The following CAPRIN1 variants were observed in gnomAD, a reference collection of about 807,000 sequenced individuals.
CAPRIN1 encodes caprin-1.
Under a neutral mutation model 100.9 loss-of-function variants are expected in CAPRIN1, and 29 were observed. The ratio of observed to expected loss-of-function variants is 0.29; its 90% CI spans 0.21 to 0.39. The LOEUF is 0.39. Among genes scored for constraint, CAPRIN1 ranks in the 10% least tolerant of loss-of-function variants. The pLI, the probability that CAPRIN1 is intolerant of heterozygous loss-of-function variation, is 1.00. For missense variants in CAPRIN1, 795 were observed against 876.7 expected, an observed-to-expected ratio of 0.91 and a Z score of 1.18; for synonymous variants, 338 against 307.5, an observed-to-expected ratio of 1.10 and a Z score of -1.04.
At chr11:34,058,009 C>T (rs561630219) in intron 2 of CAPRIN1, among the ~76,000 whole-genome samples, 1 of 152,212 alleles carries the variant, frequency 6.6e-6, no homozygotes, top group African/African-American at 2.4e-5. Flanking sequence ...CATGAGCCAC[C>T]ATGTCCGGCC....
chr11:34,092,023 C>G lies in CAPRIN1; in HGVS notation c.1672C>G (p.Gln558Glu). The G allele has an allele frequency of 6.2e-7, 1 of 1,614,056 alleles. No individual in the cohort carries two copies. Among genetic ancestry groups the G allele is most frequent in the Non-Finnish European group, 8.5e-7 (1 of 1,179,964 alleles). Residue 558 changes from glutamine to glutamate, a missense_variant, in exon 15 of 19, where the codon CAA becomes GAA. Transcript: ENST00000341394. ...SFSSQPHQVE[Q>E]TELQQEQLQT... ...TTCTAGTCAGCCTCACCAAGTAGAA[C>G]AAACAGAGCTTCAGCAAGAACAGCT...
At chr11:34,059,778 ATTTACTTGCAGTGT>A (rs950155057) in intron 2 of CAPRIN1, among the ~76,000 whole-genome samples, 2 of 149,948 alleles carry the variant, frequency 1.3e-5, no homozygotes, top group African/African-American at 2.5e-5. Context: ...GCACAGAACT[ATTTACTTGCAGTGT>A]TTTTTTATTG....
In CAPRIN1 at chr11:34,052,518, G is replaced by T. The variant is rs759305198; in HGVS notation, c.98G>T (p.Gly33Val). 1.9e-6 allele frequency: 3 copies of T among 1,604,432 alleles called. No homozygotes were observed. Among genetic ancestry groups the T allele is most frequent in the Middle Eastern group, 1.9e-4 (1 of 5,134 alleles). ...SSGSEAAAGA[G>V]AAAPASQHPA... is the part of the protein sequence containing the mutation. ...GGGAGTGAGGCGGCCGCGGGAGCCGGGGCCGCCGCGCCGGCTTCTCAGCAC... is the reference window on the plus strand; with the variant it reads ...GGGAGTGAGGCGGCCGCGGGAGCCGTGGCCGCCGCGCCGGCTTCTCAGCAC... Residue 33 changes from glycine to valine, a missense_variant, in exon 2 of 19, where the codon GGG becomes GTG. Around this residue, in one of 3 missense-constraint regions of CAPRIN1, gnomAD observed 109 missense variants for 86.6 expected, o/e 1.26. Coordinates refer to ENST00000341394, the MANE Select transcript of CAPRIN1 (RefSeq NM_005898.5).
chr11:34,095,559 A>G (rs1040677109), intron 15 of CAPRIN1, among the ~76,000 whole-genome samples: 6 of 152,228 alleles, frequency 3.9e-5, no homozygotes, highest in Non-Finnish European at 7.3e-5. Flanking sequence ...AAGATTTTCA[A>G]GAGTCATACA....
At chr11:34,069,496 T>G (rs927309592) in intron 2 of CAPRIN1, among the ~76,000 whole-genome samples, 3 of 152,122 alleles carry the variant, frequency 2.0e-5, no homozygotes, top group Non-Finnish European at 2.9e-5. Flanking sequence ...AAATAGAATT[T>G]TTTATTTTAA....
At chr11:34,080,492 A>C (rs1296688534) in intron 7 of CAPRIN1, among the ~76,000 whole-genome samples, 2 of 152,192 alleles carry the variant, frequency 1.3e-5, no homozygotes, top group African/African-American at 4.8e-5. Flanking sequence ...TGTTTTAATC[A>C]TGGGGAGATT....
chr11:34,071,575 A>G, intron 2 of CAPRIN1, 151 bp from the exon 3 acceptor site: 3 of 576,256 alleles, frequency 5.2e-6, no homozygotes, highest in South Asian at 4.9e-5. Flanking sequence ...AAAAAAAAAA[A>G]TTTATGTACT....
intron 11 of CAPRIN1, among the ~76,000 whole-genome samples, chr11:34,087,629 G>A (rs567406639): frequency 3.3e-5 from 4 of 122,658 alleles, no homozygotes; most frequent in Non-Finnish European, 7.1e-5. Context: ...CACCGCGCCC[G>A]GCTCTCACAT....
At chr11:34,081,528 C>T (rs755087110) in intron 7 of CAPRIN1, among the ~76,000 whole-genome samples, 2 of 148,888 alleles carry the variant, frequency 1.3e-5, no homozygotes, top group Non-Finnish European at 3.0e-5. Flanking sequence ...GAGTCTAGTT[C>T]TGTCGCCCAC....
At chr11:34,099,017 T>C (rs1291102211) in intron 18 of CAPRIN1, 6 of 1,288,768 alleles carry the variant, frequency 4.7e-6, no homozygotes, top group Admixed American at 3.4e-5. Context: ...TGATGGTGCC[T>C]GGCACATAGT....
At chr11:34,079,413 C>T (rs916281885) in intron 6 of CAPRIN1, among the ~76,000 whole-genome samples, 16 of 152,040 alleles carry the variant, frequency 1.1e-4, no homozygotes, top group Admixed American at 5.2e-4. Flanking sequence ...AACAAACAAA[C>T]AAAAACCCCG....
chr11:34,088,537 G>T (rs1590742841), intron 11 of CAPRIN1, among the ~76,000 whole-genome samples: 1 of 151,966 alleles, frequency 6.6e-6, no homozygotes, highest in South Asian at 2.1e-4. Context: ...AGCTTGGCAG[G>T]GTGGCATGCA....
chr11:34,071,752 A>G lies in CAPRIN1; in HGVS notation c.243A>G (p.Arg81=). ...KKGKLDDYQE[R]MNKGERLNQD... is the part of the protein sequence containing the mutation. Reference sequence around the variant, plus strand: ...GTAAGCTTGATGATTACCAGGAACGAATGAACAAAGGGGAAAGGCTTAATC... The same window carrying G: ...GTAAGCTTGATGATTACCAGGAACGGATGAACAAAGGGGAAAGGCTTAATC... The change falls in exon 3 of 19, where the codon CGA becomes CGG. Residue 81 remains arginine, a synonymous_variant. Coordinates refer to ENST00000341394, the MANE Select transcript of CAPRIN1 (RefSeq NM_005898.5). 6.2e-7 allele frequency: 1 copy of G among 1,612,468 alleles called. No individual in the cohort carries two copies.
chr11:34,097,765 A>G lies in CAPRIN1; in HGVS notation c.2065+4A>G. 2 of 1,614,096 alleles carry G rather than the reference A, an allele frequency of 1.2e-6. No individual in the cohort carries two copies. The highest frequency in any genetic ancestry group is 8.5e-7 in the Non-Finnish European group (1 of 1,179,946). ...GGACCACGGGGAGCCCCACGAGGTA[A>G]TATTTTGTGGTGGTGATCCTAGCTC... On this transcript the variant is annotated splice_donor_region_variant and intron_variant, in intron 18 of 18. Coordinates refer to ENST00000341394, the MANE Select transcript of CAPRIN1 (RefSeq NM_005898.5).
In CAPRIN1 at chr11:34,102,023, C is replaced by G. The variant is rs1411932824; in HGVS notation, c.*2656C>G. On this transcript the variant is annotated 3_prime_UTR_variant, in exon 19 of 19. Coordinates refer to ENST00000341394, the MANE Select transcript of CAPRIN1 (RefSeq NM_005898.5). ...GTTTTATTTCCAGATCCTAATAATT[C>G]CTAAAAAATATGGAAAAGTTTTTTT... is the stretch of plus-strand genomic sequence containing the variant. Among the ~76,000 whole-genome samples, 1 of 152,022 alleles carries G rather than the reference C, an allele frequency of 6.6e-6. No homozygotes were observed. The highest frequency in any genetic ancestry group is 1.5e-5 in the Non-Finnish European group (1 of 67,974).
chr11:34,076,461 G>C lies in CAPRIN1; in HGVS notation c.592G>C (p.Asp198His). The change falls in exon 5 of 19, where the codon GAC becomes CAC. Residue 198 changes from aspartate to histidine, a missense_variant. Asp to His is a moderately conservative substitution (Grantham distance 81). Transcript: ENST00000341394. Reference protein sequence around the residue: ...EFYKLVDPERDMSLRLNEQYE... With the variant: ...EFYKLVDPERHMSLRLNEQYE... ...CTATAAGCTAGTAGACCCTGAACGG[G>C]ACATGAGCTTGAGGTATTAGTGGTA... is the stretch of plus-strand genomic sequence containing the variant. The C allele has an allele frequency of 6.2e-7, 1 of 1,613,610 alleles. No individual in the cohort carries two copies. The highest frequency in any genetic ancestry group is 8.5e-7 in the Non-Finnish European group (1 of 1,179,514).
intron 4 of CAPRIN1, among the ~76,000 whole-genome samples, chr11:34,074,077 A>G (rs1313156203): frequency 6.6e-6 from 1 of 152,096 alleles, no homozygotes; most frequent in Non-Finnish European, 1.5e-5. Context: ...TCCCAACACT[A>G]TTGCGTTGGG....
intron 2 of CAPRIN1, chr11:34,052,912 C>T (rs760317497): frequency 1.5e-6 from 2 of 1,305,354 alleles, no homozygotes; most frequent in African/African-American, 1.5e-5. Flanking sequence ...GCTTTTTGGC[C>T]TTTAGGAGTG....
chr11:34,077,738 C>T (rs2134112351), intron 6 of CAPRIN1, among the ~76,000 whole-genome samples: 1 of 152,190 alleles, frequency 6.6e-6, no homozygotes, highest in South Asian at 2.1e-4. Flanking sequence ...ATGGTATGAG[C>T]TTTAATTGGC....
Sources: allele counts gnomAD v4.1 joint callset (sites outside exome capture counted in the v4.1 genomes callset), GRCh38; gene constraint gnomAD v4.1.1; regional missense constraint gnomAD v4.1.1; transcripts MANE v1.5; gene names NCBI Gene and HGNC (gene_info 2026-07-23, HGNC 2026-07-21).